TRANK1: variants seen among roughly 807,000 people sequenced by gnomAD.
TRANK1 encodes the protein TPR and ankyrin repeat-containing protein 1.
In TRANK1, 198 loss-of-function variants were observed where a neutral mutation model predicts 266.0. The observed-to-expected ratio is 0.74, with a 90% CI of 0.66 to 0.84. TRANK1 has a LOEUF of 0.84. TRANK1 is among the 40% of genes least tolerant of loss of function. The probability of loss-of-function intolerance (pLI) is 0.00; values close to 1 mark genes in which losing one functional copy is unlikely to be tolerated. For synonymous variants in TRANK1, 1,396 were observed against 1,384.1 expected, an observed-to-expected ratio of 1.01 and a Z score of -0.19; for missense variants, 3,326 against 3,634.6, an observed-to-expected ratio of 0.92 and a Z score of 2.18.
At chr3:36,877,566 T>C (rs2079407658) in intron 8 of TRANK1, among the ~76,000 whole-genome samples, 1 of 152,198 alleles carries the variant, frequency 6.6e-6, no homozygotes, top group Non-Finnish European at 1.5e-5. Flanking sequence ...TTTAACCATC[T>C]ATTAGTATGA....
chr3:36,856,070 CCTTGGTGGA>C lies in TRANK1; in HGVS notation c.3643_3651del (p.Ser1215_Lys1217del). The C allele has an allele frequency of 6.2e-7, 1 of 1,613,778 alleles. No homozygotes were observed. Among genetic ancestry groups the C allele is most frequent in the Non-Finnish European group, 8.5e-7 (1 of 1,179,878 alleles). ...TCCAGTGGTTTGTAATGACTAGTGG[CCTTGGTGGA>C]CTTGGAAAGCTCAATGAAATTCCTT... On this transcript the variant is annotated inframe_deletion, in exon 13 of 24. Coordinates refer to ENST00000645898, the MANE Select transcript of TRANK1 (RefSeq NM_001329998.2).
chr3:36,884,335 A>G (rs1371701095), intron 8 of TRANK1, among the ~76,000 whole-genome samples: 1 of 152,200 alleles, frequency 6.6e-6, no homozygotes, highest in Admixed American at 6.5e-5. Context: ...ATTCTCCAAT[A>G]GGAACCAGGG....
At position 36,832,434 on chromosome 3, in the gene TRANK1, T is replaced by C; in HGVS notation, c.7149A>G (p.Ile2383Met). The C allele has an allele frequency of 2.5e-6, 4 of 1,614,014 alleles. No individual in the cohort carries two copies. The highest frequency in any genetic ancestry group is 3.4e-6 in the Non-Finnish European group (4 of 1,179,900). The change falls in exon 22 of 24, where the codon ATA becomes ATG. Residue 2383 changes from isoleucine to methionine, a missense_variant. Transcript: ENST00000645898. Reference protein sequence around the residue: ...GRGRGSRIKGIEGKFGMLAPN... With the variant: ...GRGRGSRIKGMEGKFGMLAPN... ...GTGCCAGCATGCCAAATTTCCCTTC[T>C]ATTCCTTTTATCCTGCTGCCTCTCC... is the stretch of plus-strand genomic sequence containing the variant.
chr3:36,939,747 G>T (rs1324878104), intron 1 of TRANK1, among the ~76,000 whole-genome samples: 1 of 152,134 alleles, frequency 6.6e-6, no homozygotes, highest in Non-Finnish European at 1.5e-5. Context: ...TCACATTCCA[G>T]TACAGGTACA....
At position 36,860,449 on chromosome 3, in the gene TRANK1, C is replaced by T. The variant is rs146811662; in HGVS notation, c.1495+457G>A. Among the ~76,000 whole-genome samples, 148 of 152,324 alleles carry T rather than the reference C, an allele frequency of 9.7e-4. No individual in the cohort carries two copies. The Middle Eastern group carries it at 0.014, about 14-fold the overall frequency. On this transcript the variant is annotated intron_variant, in intron 11 of 23. Transcript: ENST00000645898. ...TTAAAGCAGCAGATGCTTCCACCCA[C>T]CAATTACTTGACCGTTTCTTTAAAA...
chr3:36,945,592 A>C (rs2276807), upstream of TRANK1, among the ~76,000 whole-genome samples: 92,864 of 152,000 alleles, frequency 0.61, 28,820 homozygotes, highest in African/African-American at 0.67. Context: ...AGCAGGCAAC[A>C]AAATGAGGAT....
Position 36,856,001 on chromosome 3 carries a change from G to A in TRANK1, c.3721C>T (p.Pro1241Ser). Reference sequence around the variant, plus strand: ...AGCTGCTTGGAAGTGACAAACAGAGGAAAGTTCTCGTCCCTCAGGTCCTGG... The same window carrying A: ...AGCTGCTTGGAAGTGACAAACAGAGAAAAGTTCTCGTCCCTCAGGTCCTGG... ...KLQDLRDENFPLFVTSKQLLL... is the reference protein window; with the variant it reads ...KLQDLRDENFSLFVTSKQLLL... Residue 1241 changes from proline to serine, a missense_variant, in exon 13 of 24, where the codon CCT becomes TCT. Coordinates refer to ENST00000645898, the MANE Select transcript of TRANK1 (RefSeq NM_001329998.2). 1 of 1,613,766 alleles carries A rather than the reference G, an allele frequency of 6.2e-7. No individual in the cohort carries two copies. Among genetic ancestry groups the A allele is most frequent in the Non-Finnish European group, 8.5e-7 (1 of 1,179,880 alleles).
At position 36,831,398 on chromosome 3, in the gene TRANK1, C is replaced by T; in HGVS notation, c.8185G>A (p.Val2729Met). The change falls in exon 22 of 24, where the codon GTG (valine) becomes ATG (methionine). Residue 2729 changes from valine to methionine, a missense_variant. Coordinates refer to ENST00000645898, the MANE Select transcript of TRANK1 (RefSeq NM_001329998.2). The surrounding 1 kb of genome is among the most constrained non-coding windows in gnomAD (Gnocchi z 5.0). ...CTCCAACTGATGCACAGAGACACCACCAGGCATGCCCTCCTCAACTTCCGC... is the reference window on the plus strand; with the variant it reads ...CTCCAACTGATGCACAGAGACACCATCAGGCATGCCCTCCTCAACTTCCGC... ...IQRKLRRACL[V>M]VSLCISWRRR... 1 of 1,613,008 alleles carries T rather than the reference C, an allele frequency of 6.2e-7. No individual in the cohort carries two copies. The highest frequency in any genetic ancestry group is 8.5e-7 in the Non-Finnish European group (1 of 1,179,468).
intron 18 of TRANK1, 133 bp downstream of exon 18, chr3:36,842,489 A>G: frequency 1.3e-6 from 1 of 749,640 alleles, no homozygotes; most frequent in Non-Finnish European, 2.3e-6. Flanking sequence ...AGGTGACCTG[A>G]TGTTTCAGAA....
At chr3:36,912,336 A>G (rs1447617367) in intron 1 of TRANK1, among the ~76,000 whole-genome samples, 2 of 152,234 alleles carry the variant, frequency 1.3e-5, no homozygotes, top group Non-Finnish European at 2.9e-5. Flanking sequence ...AGGTGGCCTC[A>G]CTTTAAGAGC....
chr3:36,883,055 T>C (rs1362451534), intron 8 of TRANK1, among the ~76,000 whole-genome samples: 1 of 152,114 alleles, frequency 6.6e-6, no homozygotes, highest in African/African-American at 2.4e-5. Context: ...TACAACCCTC[T>C]CCTAGATGAA....
intron 1 of TRANK1, among the ~76,000 whole-genome samples, chr3:36,935,766 C>T (rs911609175): frequency 6.6e-6 from 1 of 152,092 alleles, no homozygotes; most frequent in African/African-American, 2.4e-5. Flanking sequence ...ATTCTTAAGG[C>T]AAAAACTAAG....
intron 2 of TRANK1, among the ~76,000 whole-genome samples, chr3:36,903,781 C>G (rs979166731): frequency 6.6e-6 from 1 of 152,156 alleles, no homozygotes; most frequent in Non-Finnish European, 1.5e-5. Context: ...CCCTTTAAAG[C>G]GCAGCAGGGC....
At chr3:36,894,561 T>C (rs1296620655) in intron 5 of TRANK1, among the ~76,000 whole-genome samples, 1 of 152,172 alleles carries the variant, frequency 6.6e-6, no homozygotes, top group African/African-American at 2.4e-5. Flanking sequence ...CAAGATTTTT[T>C]AATACAGGGG....
chr3:36,908,276 C>A, intron 2 of TRANK1, 47 bp downstream of exon 2: 1 of 1,231,792 alleles, frequency 8.1e-7, no homozygotes, highest in South Asian at 4.1e-5. Context: ...GGAACAGAGT[C>A]CCATGTACTG....
chr3:36,881,425 G>A (rs2079530352), intron 8 of TRANK1, among the ~76,000 whole-genome samples: 1 of 151,916 alleles, frequency 6.6e-6, no homozygotes, highest in Non-Finnish European at 1.5e-5. Context: ...CTCCAGCCTG[G>A]GTGACAGAGC....
Position 36,864,447 on chromosome 3 carries a change from T to C in TRANK1, c.1112A>G (p.Asn371Ser), listed in dbSNP as rs748175848. The C allele has an allele frequency of 2.0e-6, 3 of 1,536,456 alleles. No homozygotes were observed. The South Asian group carries it at 3.6e-5, about 18-fold the overall frequency. Residue 371 changes from asparagine (N) to serine (S), a missense_variant, in exon 10 of 24, where the codon AAC becomes AGC. By Grantham distance (46) the Asn-to-Ser change is conservative (BLOSUM62 1). Coordinates refer to ENST00000645898, the MANE Select transcript of TRANK1 (RefSeq NM_001329998.2). ...CTCCAAGACCTTCCTGAAAATGTCGTTTTCACTAGTGGGTCCATCACCATT... is the reference window on the plus strand; with the variant it reads ...CTCCAAGACCTTCCTGAAAATGTCGCTTTCACTAGTGGGTCCATCACCATT... ...FSNGDGPTSENDIFRKVLEQL... is the reference protein window; with the variant it reads ...FSNGDGPTSESDIFRKVLEQL...
At position 36,874,151 on chromosome 3, in the gene TRANK1, T is replaced by C; in HGVS notation, c.1053A>G (p.Leu351=). 1 of 1,537,522 alleles carries C rather than the reference T, an allele frequency of 6.5e-7. No homozygotes were observed. Among genetic ancestry groups the C allele is most frequent in the South Asian group, 1.2e-5 (1 of 84,046 alleles). Residue 351 remains leucine (L), a synonymous_variant, in exon 9 of 24, where the codon CTA becomes CTG. Coordinates refer to ENST00000645898, the MANE Select transcript of TRANK1 (RefSeq NM_001329998.2). ...CTGATAGGTCCTTAGAACACGTAGC[T>C]AGCTTTTCTAAGTGACTGTTGATTT... The part of the protein sequence containing the change: ...IEKINSHLEK[L]ATCSKDLSGF...
intron 8 of TRANK1, among the ~76,000 whole-genome samples, chr3:36,882,786 A>G (rs2079549583): frequency 6.6e-6 from 1 of 152,252 alleles, no homozygotes; most frequent in Non-Finnish European, 1.5e-5. Flanking sequence ...TTGAGGACAA[A>G]GGACCAAAAA....
Sources: allele counts gnomAD v4.1 joint callset (sites outside exome capture counted in the v4.1 genomes callset), GRCh38; gene constraint gnomAD v4.1.1; non-coding constraint Gnocchi (gnomAD v3.1); transcripts MANE v1.5; gene names NCBI Gene and HGNC (gene_info 2026-07-23, HGNC 2026-07-21).